SLC9A6: variants seen among roughly 807,000 people sequenced by gnomAD.
SLC9A6 encodes solute carrier family 9 member A6, also known as sodium/hydrogen exchanger 6.
A neutral mutation model predicts 45.3 loss-of-function variants in SLC9A6; 6 were observed. That is an observed-to-expected ratio of 0.13 (90% CI 0.07 to 0.26). SLC9A6 has a LOEUF of 0.26. Ranked by LOEUF, SLC9A6 falls within the 10% of genes least tolerant of loss-of-function variation. SLC9A6 has a pLI of 1.00. For synonymous variants in SLC9A6, 191 were observed against 187.7 expected (o/e 1.02, Z -0.14); for missense variants, 278 against 503.7 (o/e 0.55, Z 4.29).
rs1004574755 is a variant in SLC9A6 at position 136,032,561 on chromosome X, C to T, written c.1582-853C>T. On this transcript the variant is annotated intron_variant, in intron 15 of 17. Coordinates refer to ENST00000630721, the MANE Select transcript of SLC9A6 (RefSeq NM_001379110.1). ...ACTGGAAGCAGATTGCCTAACTGCC[C>T]AACTGCTGACTGCACCATATTACAA... 4.5e-5 allele frequency among the ~76,000 whole-genome samples: 5 copies of T among 112,061 alleles called. No homozygotes were observed. In the East Asian group the frequency reaches 1.4e-3, roughly 31 times the overall value.
chrX:136,043,570 T>C (rs184643740), intron 17 of SLC9A6, among the ~76,000 whole-genome samples: 7 of 112,364 alleles, frequency 6.2e-5, no homozygotes, highest in East Asian at 2.8e-4. Flanking sequence ...GACTGTTTTA[T>C]GCTAGATCAA....
intron 10 of SLC9A6, among the ~76,000 whole-genome samples, chrX:136,015,125 A>G (rs1245196366): frequency 8.8e-6 from 1 of 113,071 alleles, no homozygotes; most frequent in Non-Finnish European, 1.9e-5. Context: ...TGAGCTAAGC[A>G]TGGTTTTCTT....
At chrX:136,004,580 T>C (rs1430381990) in intron 7 of SLC9A6, among the ~76,000 whole-genome samples, 2 of 112,268 alleles carry the variant, frequency 1.8e-5, no homozygotes, top group Admixed American at 9.5e-5. Flanking sequence ...CATAGCCTGA[T>C]TGTCTTCTGC....
At chrX:135,985,216 G>A, upstream of SLC9A6, 1 of 249,719 alleles carries the variant, frequency 4.0e-6, no homozygotes, top group Non-Finnish European at 7.1e-6. Context: ...AGCGCAGTCT[G>A]CCTCTGCTTG....
chrX:136,004,302 T>A (rs1340332253), intron 7 of SLC9A6, among the ~76,000 whole-genome samples: 3 of 109,163 alleles, frequency 2.7e-5, no homozygotes, highest in African/African-American at 1.0e-4. Flanking sequence ...TTGGCCAGGC[T>A]GGTTTCGAAC....
intron 8 of SLC9A6, among the ~76,000 whole-genome samples, chrX:136,012,074 T>A (rs949971106): frequency 8.9e-6 from 1 of 112,257 alleles, no homozygotes; most frequent in Non-Finnish European, 1.9e-5. Context: ...TGGGCGACAG[T>A]GCGAGACTCC....
intron 1 of SLC9A6, among the ~76,000 whole-genome samples, chrX:135,979,742 G>A (rs2089278079): frequency 9.0e-6 from 1 of 111,707 alleles, no homozygotes; most frequent in Non-Finnish European, 1.9e-5. Flanking sequence ...CTCCTAACTG[G>A]CCTCCCTAGT....
intron 2 of SLC9A6, among the ~76,000 whole-genome samples, chrX:135,990,833 A>G (rs2089418434): frequency 8.9e-6 from 1 of 111,848 alleles, no homozygotes; most frequent in South Asian, 3.7e-4. Flanking sequence ...GGGGACATGG[A>G]AGGAATTTAT....
Position 136,045,645 on chromosome X carries a change from A to G in SLC9A6, c.*921A>G, listed in dbSNP as rs782020798. ...TGATTATGTACTTTATCTGTATAGCAGGCTTTGTCGTCAGAAGTTTTTATA... is the reference window on the plus strand; with the variant it reads ...TGATTATGTACTTTATCTGTATAGCGGGCTTTGTCGTCAGAAGTTTTTATA... On this transcript the variant is annotated 3_prime_UTR_variant, in exon 18 of 18. Transcript: ENST00000630721. 1 of 112,894 alleles carries G rather than the reference A, an allele frequency of 8.9e-6. No homozygotes were observed. Among genetic ancestry groups the G allele is most frequent in the South Asian group, 3.7e-4 (1 of 2,722 alleles). 9.3% of individuals were successfully genotyped at this position (112,894 alleles called of 1,213,427 possible). A position where few individuals can be genotyped will look rare whatever the true frequency, so the allele number is the denominator to read the frequency against.
intron 11 of SLC9A6, among the ~76,000 whole-genome samples, chrX:136,021,176 A>G (rs950113381): frequency 1.8e-5 from 2 of 111,285 alleles, no homozygotes; most frequent in Non-Finnish European, 3.8e-5. Context: ...ATACACATAT[A>G]TCTATACATA....
intron 1 of SLC9A6, among the ~76,000 whole-genome samples, chrX:135,979,996 C>T (rs1426535270): frequency 3.6e-5 from 4 of 111,505 alleles, no homozygotes; most frequent in Non-Finnish European, 7.5e-5. Context: ...GAACTCCTGA[C>T]CTCAAGTGAT....
At chrX:136,036,372 A>G (rs1425290537) in intron 16 of SLC9A6, among the ~76,000 whole-genome samples, 1 of 111,027 alleles carries the variant, frequency 9.0e-6, no homozygotes, top group Non-Finnish European at 1.9e-5. Flanking sequence ...TTTTTCTCTC[A>G]TTGATTTATA....
intron 3 of SLC9A6, 73 bp from the exon 4 acceptor site, chrX:135,998,035 C>A: frequency 1.7e-6 from 1 of 578,721 alleles, no homozygotes; most frequent in Non-Finnish European, 3.0e-6. Context: ...AGTATTTTTT[C>A]TTTTTGATCA....
chrX:135,993,437 G>C (rs909179228), intron 2 of SLC9A6, among the ~76,000 whole-genome samples: 2 of 111,861 alleles, frequency 1.8e-5, no homozygotes, highest in Non-Finnish European at 3.8e-5. Flanking sequence ...ATAAACTTTT[G>C]GTGTTTGAAT....
chrX:135,998,470 T>TA lies in SLC9A6; in HGVS notation c.448-12_448-11insA, dbSNP rs386417591. On this transcript the variant is annotated splice_polypyrimidine_tract_variant and intron_variant, in intron 4 of 17. Transcript: ENST00000630721. ...AAGTATTCTAACAGTGTAACTTTTT[T>TA]TTTTTTGTCAGAGACATTTTTTTCG... 1 of 1,143,764 alleles carries TA rather than the reference T, an allele frequency of 8.7e-7. No individual in the cohort carries two copies. Among genetic ancestry groups the TA allele is most frequent in the Non-Finnish European group, 1.2e-6 (1 of 858,900 alleles). 94.3% of individuals were successfully genotyped at this position (1,143,764 alleles called of 1,213,427 possible).
intron 3 of SLC9A6, among the ~76,000 whole-genome samples, chrX:135,995,555 C>T (rs1299246666): frequency 9.0e-6 from 1 of 111,642 alleles, no homozygotes; most frequent in Admixed American, 9.5e-5. Flanking sequence ...AACTCCTGAC[C>T]TCAAGTGAAT....
intron 7 of SLC9A6, among the ~76,000 whole-genome samples, chrX:136,005,872 A>G (rs1178055671): frequency 1.3e-4 from 14 of 111,599 alleles, no homozygotes; most frequent in Non-Finnish European, 2.1e-4. Flanking sequence ...TTTGTAAGAG[A>G]TAATACGTTA....
chrX:135,991,088 G>A (rs189966443), intron 2 of SLC9A6, among the ~76,000 whole-genome samples: 1,924 of 111,299 alleles, frequency 0.017, 22 homozygotes, highest in Middle Eastern at 0.032. Context: ...ATTTTTAAAA[G>A]GTGTCTTTCA....
At chrX:136,029,184 T>A (rs1032759390) in intron 14 of SLC9A6, among the ~76,000 whole-genome samples, 1 of 110,054 alleles carries the variant, frequency 9.1e-6, no homozygotes, top group Admixed American at 9.7e-5. Context: ...AGAGGATGGA[T>A]TTGGGGAGAT....
Sources: allele counts gnomAD v4.1 joint callset (sites outside exome capture counted in the v4.1 genomes callset), GRCh38; gene constraint gnomAD v4.1.1; transcripts MANE v1.5; gene names NCBI Gene and HGNC (gene_info 2026-07-23, HGNC 2026-07-21).